Variants in OSBPL6 observed in about 807,000 individuals in gnomAD.
The protein encoded by OSBPL6 is oxysterol-binding protein-related protein 6.
In OSBPL6, 49 loss-of-function variants were observed where a neutral mutation model predicts 125.8. The ratio of observed to expected loss-of-function variants is 0.39; its 90% CI spans 0.31 to 0.49. The LOEUF (loss-of-function observed/expected upper bound fraction) is 0.49. OSBPL6 is among the 20% of genes least tolerant of loss of function. The pLI, the probability that OSBPL6 is intolerant of heterozygous loss-of-function variation, is 0.88. For missense variants in OSBPL6, 986 were observed against 1,135.4 expected (o/e 0.87, Z 1.89); for synonymous variants, 394 against 391.8 (o/e 1.01, Z -0.07).
chr2:178,318,640 A>C (rs912536754), intron 3 of OSBPL6, among the ~76,000 whole-genome samples: 1 of 152,326 alleles, frequency 6.6e-6, no homozygotes, highest in Non-Finnish European at 1.5e-5. Flanking sequence ...TTGCCTTCCC[A>C]TTAGAGAATA....
At chr2:178,301,721 G>T (rs138079104) in intron 2 of OSBPL6, among the ~76,000 whole-genome samples, 1 of 152,030 alleles carries the variant, frequency 6.6e-6, no homozygotes, top group African/African-American at 2.4e-5. Context: ...CCAATAAAAC[G>T]TGAGTGAGCT....
chr2:178,287,265 GC>G (rs1684791075), intron 2 of OSBPL6, among the ~76,000 whole-genome samples: 1 of 150,554 alleles, frequency 6.6e-6, no homozygotes, highest in African/African-American at 2.4e-5. Flanking sequence ...CAGATTTCAG[GC>G]CACAGGGTAT....
At chr2:178,352,543 C>A (rs950504095) in intron 12 of OSBPL6, among the ~76,000 whole-genome samples, 5 of 152,160 alleles carry the variant, frequency 3.3e-5, no homozygotes, top group African/African-American at 9.7e-5. Context: ...GGAGGGGCAT[C>A]CACCATTGCT....
intron 23 of OSBPL6, 104 bp downstream of exon 23, chr2:178,392,642 G>A: frequency 2.8e-6 from 4 of 1,426,002 alleles, no homozygotes; most frequent in Middle Eastern, 2.5e-4. Flanking sequence ...GATCACTTGA[G>A]GTCAGGAATT....
intron 1 of OSBPL6, among the ~76,000 whole-genome samples, chr2:178,277,846 C>T (rs190497429): frequency 1.5e-4 from 23 of 152,250 alleles, no homozygotes; most frequent in Admixed American, 4.6e-4. Context: ...TTGTCTTTTT[C>T]CTCCCGTTTG....
intron 15 of OSBPL6, among the ~76,000 whole-genome samples, chr2:178,380,289 A>T (rs1261155605): frequency 6.6e-6 from 1 of 151,762 alleles, no homozygotes; most frequent in South Asian, 2.1e-4. Flanking sequence ...CTAAAAAAAA[A>T]TTTATTTTTT....
At chr2:178,204,225 T>C (rs941829993) in intron 1 of OSBPL6, among the ~76,000 whole-genome samples, 3 of 152,106 alleles carry the variant, frequency 2.0e-5, no homozygotes, top group African/African-American at 7.2e-5. Context: ...GGTTACACCA[T>C]GTTGGCCAAG....
chr2:178,325,057 C>T (rs1015368875), intron 4 of OSBPL6, among the ~76,000 whole-genome samples: 1 of 152,174 alleles, frequency 6.6e-6, no homozygotes, highest in African/African-American at 2.4e-5. Flanking sequence ...CTTCAGCCTG[C>T]TCTTCCTCAG....
chr2:178,244,609 T>C (rs2091423680), intron 1 of OSBPL6, among the ~76,000 whole-genome samples: 1 of 152,264 alleles, frequency 6.6e-6, no homozygotes, highest in Admixed American at 6.5e-5. Context: ...GGTAGCCTTC[T>C]CAACTGGAAG....
chr2:178,368,880 C>G (rs973077207), intron 13 of OSBPL6, among the ~76,000 whole-genome samples: 2 of 151,420 alleles, frequency 1.3e-5, no homozygotes, highest in African/African-American at 4.9e-5. Flanking sequence ...CTCAGTGCAG[C>G]CTCCACCTCG....
chr2:178,245,181 G>A (rs969610984), intron 1 of OSBPL6, among the ~76,000 whole-genome samples: 1 of 152,226 alleles, frequency 6.6e-6, no homozygotes, highest in Admixed American at 6.5e-5. Context: ...CAGCCTGGAT[G>A]TGCTGGTTGA....
intron 3 of OSBPL6, chr2:178,320,450 G>T: frequency 6.4e-7 from 1 of 1,560,022 alleles, no homozygotes; most frequent in Non-Finnish European, 8.7e-7. Flanking sequence ...TTAAAAAACT[G>T]ACCTGGAAAT....
intron 15 of OSBPL6, 147 bp downstream of exon 15, chr2:178,374,174 A>G (rs577202577): frequency 4.1e-6 from 4 of 973,848 alleles, no homozygotes; most frequent in Non-Finnish European, 6.0e-6. Context: ...CAGCAAAGCT[A>G]AAAGCATGCA....
intron 3 of OSBPL6, among the ~76,000 whole-genome samples, chr2:178,312,179 G>C (rs1331001561): frequency 1.5e-5 from 1 of 67,814 alleles, no homozygotes; most frequent in East Asian, 4.3e-4. Context: ...TTTTTTTTTT[G>C]AGATGGAGTT....
intron 3 of OSBPL6, among the ~76,000 whole-genome samples, chr2:178,321,119 C>G (rs969368186): frequency 3.3e-5 from 5 of 152,098 alleles, no homozygotes; most frequent in Admixed American, 3.3e-4. Context: ...TCACTGCACT[C>G]CAGCCTGGCG....
chr2:178,201,094 C>G (rs1006451758), intron 1 of OSBPL6, among the ~76,000 whole-genome samples: 4 of 151,940 alleles, frequency 2.6e-5, no homozygotes, highest in South Asian at 2.1e-4. Context: ...GTGCCTGGCC[C>G]AAATAAGTAT....
intron 1 of OSBPL6, among the ~76,000 whole-genome samples, chr2:178,218,417 AAAAG>A (rs1471617054): frequency 6.6e-6 from 1 of 150,728 alleles, no homozygotes; most frequent in African/African-American, 2.5e-5. Context: ...TTAAAAAAAA[AAAAG>A]AGAGAGAGAG....
rs577800682 is a variant in OSBPL6 at position 178,259,967 on chromosome 2, A to C, written c.-350-24960A>C. Among the ~76,000 whole-genome samples, 4 of 152,328 alleles carry C rather than the reference A, an allele frequency of 2.6e-5. No individual in the cohort carries two copies. The South Asian group carries it at 8.3e-4, about 32-fold the overall frequency. On this transcript the variant is annotated intron_variant, in intron 1 of 24. Coordinates refer to ENST00000190611, the MANE Select transcript of OSBPL6 (RefSeq NM_032523.4). ...TGTGACTGGCCTTGGTAATTACCAT[A>C]GCAGCGATGGATGATATTTGCTGAG...
Position 178,249,688 on chromosome 2 carries a change from A to C in OSBPL6, c.-350-35239A>C, listed in dbSNP as rs566024318. The stretch of plus-strand genomic sequence containing the variant: ...TTGATGCACTCAGTATTTCTCCTTT[A>C]AGGCTCATTTCTGCATCAATCCCTC... On this transcript the variant is annotated intron_variant, in intron 1 of 24. Coordinates refer to ENST00000190611, the MANE Select transcript of OSBPL6 (RefSeq NM_032523.4). Among the ~76,000 whole-genome samples the C allele has an allele frequency of 2.6e-5, 4 of 152,272 alleles. No individual in the cohort carries two copies. In the East Asian group the frequency reaches 7.7e-4, roughly 29 times the overall value.
Sources: allele counts gnomAD v4.1 joint callset (sites outside exome capture counted in the v4.1 genomes callset), GRCh38; gene constraint gnomAD v4.1.1; transcripts MANE v1.5; gene names NCBI Gene and HGNC (gene_info 2026-07-23, HGNC 2026-07-21).